GDF5: variants seen among roughly 807,000 people sequenced by gnomAD.
The protein encoded by GDF5 is growth differentiation factor 5.
In GDF5, 17 loss-of-function variants were observed where a neutral mutation model predicts 34.6. That is an observed-to-expected ratio of 0.49 (90% CI 0.34 to 0.74). The LOEUF is 0.74. Ranked by LOEUF, GDF5 falls within the 30% of genes least tolerant of loss-of-function variation. The pLI is 0.01. For synonymous variants in GDF5, 332 were observed against 290.7 expected (o/e 1.14, Z -1.44); for missense variants, 616 against 661.2 (o/e 0.93, Z 0.75).
intron 1 of GDF5, among the ~76,000 whole-genome samples, chr20:35,444,482 G>A (rs1314602821): frequency 6.6e-6 from 1 of 152,186 alleles, no homozygotes; most frequent in Non-Finnish European, 1.5e-5. Flanking sequence ...AGCTGGTGTG[G>A]CTGAAGCAGA....
intron 1 of GDF5, among the ~76,000 whole-genome samples, chr20:35,453,403 C>T (rs1304276985): frequency 6.6e-6 from 1 of 152,202 alleles, no homozygotes; most frequent in African/African-American, 2.4e-5. Flanking sequence ...GAAAAGTGGT[C>T]TAGGTAGCTG....
chr20:35,447,432 G>A (rs2062517549), intron 1 of GDF5, among the ~76,000 whole-genome samples: 1 of 152,114 alleles, frequency 6.6e-6, no homozygotes, highest in Non-Finnish European at 1.5e-5. Flanking sequence ...AGTGTCTCTG[G>A]GCCTTCTGTC....
chr20:35,450,418 C>T (rs1176102230), intron 1 of GDF5, among the ~76,000 whole-genome samples: 3 of 151,750 alleles, frequency 2.0e-5, no homozygotes, highest in African/African-American at 7.3e-5. Flanking sequence ...ACTTTTTTTC[C>T]CTCTATTTTT....
intron 1 of GDF5, chr20:35,435,444 C>T: frequency 1.1e-5 from 1 of 93,060 alleles, no homozygotes; most frequent in African/African-American, 4.0e-5. Context: ...AGAGAAAGAC[C>T]CTGGCTAAAA....
At position 35,434,449 on chromosome 20, in the gene GDF5, C is replaced by G. The variant is rs778521914; in HGVS notation, c.966G>C (p.Val322=). The change falls in exon 2 of 2, where the codon GTG becomes GTC. Residue 322 remains valine, a synonymous_variant. Coordinates refer to ENST00000374369, the MANE Select transcript of GDF5 (RefSeq NM_000557.5). ...ELEAWERGRA[V]DLRGLGFDRA... is the part of the protein sequence containing the mutation. ...GGTCGAAGCCCAGGCCACGGAGGTC[C>G]ACGGCCCTGCCCCGTTCCCAGGCCT... The G allele has an allele frequency of 6.8e-6, 11 of 1,613,074 alleles. No individual in the cohort carries two copies. In the South Asian group the frequency reaches 1.2e-4, roughly 18 times the overall value.
chr20:35,451,356 T>G (rs1380020229), intron 1 of GDF5, among the ~76,000 whole-genome samples: 2 of 151,818 alleles, frequency 1.3e-5, no homozygotes, highest in Non-Finnish European at 2.9e-5. Flanking sequence ...CCAGGGTTGA[T>G]TTTCTTTCAA....
At chr20:35,440,813 T>C (rs1211459952), upstream of GDF5, among the ~76,000 whole-genome samples, 1 of 152,224 alleles carries the variant, frequency 6.6e-6, no homozygotes, top group Admixed American at 6.5e-5. Context: ...GACTAGACTG[T>C]GCCATATTTA....
intron 1 of GDF5, among the ~76,000 whole-genome samples, chr20:35,443,432 G>A (rs2062504508): frequency 6.6e-6 from 1 of 152,030 alleles, no homozygotes. Context: ...AGAGCCTTTT[G>A]CTTTTATGTT....
intron 1 of GDF5, among the ~76,000 whole-genome samples, chr20:35,435,822 C>T (rs1031788734): frequency 3.3e-5 from 5 of 152,040 alleles, no homozygotes; most frequent in African/African-American, 2.4e-5. Flanking sequence ...AGAGTGTATA[C>T]GTTAATGACG....
At chr20:35,443,811 G>A (rs566738772) in intron 1 of GDF5, among the ~76,000 whole-genome samples, 1 of 151,992 alleles carries the variant, frequency 6.6e-6, no homozygotes, top group Admixed American at 6.6e-5. Context: ...TGCGCCGGCC[G>A]GCCAGATTAT....
intron 1 of GDF5, among the ~76,000 whole-genome samples, chr20:35,448,065 G>T (rs1044021338): frequency 2.6e-5 from 4 of 151,966 alleles, no homozygotes; most frequent in African/African-American, 9.7e-5. Flanking sequence ...TAATACCAAA[G>T]TTTATAAAGT....
At position 35,437,616 on chromosome 20, in the gene GDF5, C is replaced by T; in HGVS notation, c.313G>A (p.Glu105Lys). 1 of 1,614,124 alleles carries T rather than the reference C, an allele frequency of 6.2e-7. No homozygotes were observed. The highest frequency in any genetic ancestry group is 8.5e-7 in the Non-Finnish European group (1 of 1,180,008). The change falls in exon 1 of 2, where the codon GAA becomes AAA. Residue 105 changes from glutamate (E) to lysine (K), a missense_variant. By Grantham distance (56) the Glu-to-Lys change is moderately conservative. Transcript: ENST00000374369. Reference sequence around the variant, plus strand: ...TGGGGAGGGTGTCCTGGCTTGGGTTCAGGGCCGCCCGGTCTGGGGGGCAGC... The same window carrying T: ...TGGGGAGGGTGTCCTGGCTTGGGTTTAGGGCCGCCCGGTCTGGGGGGCAGC... ...KKLPPRPGGP[E>K]PKPGHPPQTR...
Position 35,434,200 on chromosome 20 carries a change from C to A in GDF5, c.1215G>T (p.Leu405=). 1 of 1,614,212 alleles carries A rather than the reference C, an allele frequency of 6.2e-7. No individual in the cohort carries two copies. The highest frequency in any genetic ancestry group is 8.5e-7 in the Non-Finnish European group (1 of 1,180,032). ...NLKARCSRKA[L]HVNFKDMGWD... Reference sequence around the variant, plus strand: ...AGCCCATGTCCTTGAAGTTGACATGCAGTGCCTTCCGACTGCAGCGAGCCT... The same window carrying A: ...AGCCCATGTCCTTGAAGTTGACATGAAGTGCCTTCCGACTGCAGCGAGCCT... The change falls in exon 2 of 2, where the codon CTG becomes CTT. Residue 405 remains leucine (L), a synonymous_variant. Transcript: ENST00000374369.
Position 35,434,657 on chromosome 20 carries a change from G to A in GDF5, c.758C>T (p.Ala253Val). 1.2e-6 allele frequency: 2 copies of A among 1,609,754 alleles called. No homozygotes were observed. Among genetic ancestry groups the A allele is most frequent in the Non-Finnish European group, 1.7e-6 (2 of 1,177,082 alleles). Reference sequence around the variant, plus strand: ...GGCAGCCCGCCCGCCTCCGGGGGCCGCTGGCTTGGCCGTGTCCGAGGGCTT... The same window carrying A: ...GGCAGCCCGCCCGCCTCCGGGGGCCACTGGCTTGGCCGTGTCCGAGGGCTT... ...RKKPSDTAKP[A>V]APGGGRAAQL... Residue 253 changes from alanine (A) to valine (V), a missense_variant, in exon 2 of 2, where the codon GCG becomes GTG. Coordinates refer to ENST00000374369, the MANE Select transcript of GDF5 (RefSeq NM_000557.5).
intron 1 of GDF5, among the ~76,000 whole-genome samples, chr20:35,443,883 T>TTTTATC (rs2062506013): frequency 6.6e-6 from 1 of 152,144 alleles, no homozygotes; most frequent in African/African-American, 2.4e-5. Flanking sequence ...ATAATAATAA[T>TTTTATC]AATCCCTTTT....
At chr20:35,451,092 T>TATAC (rs1555824851) in intron 1 of GDF5, among the ~76,000 whole-genome samples, 1 of 133,520 alleles carries the variant, frequency 7.5e-6, no homozygotes, top group Non-Finnish European at 1.7e-5. Context: ...TATATATATA[T>TATAC]ACACAAATAT....
chr20:35,449,020 G>A (rs1049518896), intron 1 of GDF5, among the ~76,000 whole-genome samples: 1 of 152,172 alleles, frequency 6.6e-6, no homozygotes, highest in Non-Finnish European at 1.5e-5. Flanking sequence ...CAACCAGATG[G>A]TGGCATCAGC....
At chr20:35,453,843 CTTA>C in intron 1 of GDF5, 1 of 519,378 alleles carries the variant, frequency 1.9e-6, no homozygotes, top group Non-Finnish European at 4.0e-6. Context: ...TCACTCAGCA[CTTA>C]TTGAGCACCT....
At position 35,437,953 on chromosome 20, in the gene GDF5, C is replaced by G; in HGVS notation, c.-25G>C. On this transcript the variant is annotated 5_prime_UTR_variant, in exon 1 of 2. Transcript: ENST00000374369. ...TCCTCTGGCCAGCCGCTGAATGACA[C>G]CAAAGAGAACAGCGGCAGCAGCGAA... The G allele has an allele frequency of 6.2e-7, 1 of 1,613,588 alleles. No homozygotes were observed. Among genetic ancestry groups the G allele is most frequent in the South Asian group, 1.1e-5 (1 of 90,984 alleles).
Sources: allele counts gnomAD v4.1 joint callset (sites outside exome capture counted in the v4.1 genomes callset), GRCh38; gene constraint gnomAD v4.1.1; transcripts MANE v1.5; gene names NCBI Gene and HGNC (gene_info 2026-07-23, HGNC 2026-07-21).